EYS: variants seen among roughly 807,000 people sequenced by gnomAD.
The protein encoded by EYS is protein eyes shut homolog.
In EYS, 250 loss-of-function variants were observed where a neutral mutation model predicts 282.1. The ratio of observed to expected loss-of-function variants is 0.89; its 90% confidence interval spans 0.80 to 0.98. The LOEUF (loss-of-function observed/expected upper bound fraction) is 0.98, where lower values mean the gene tolerates loss of function less well. EYS is among the 50% of genes least tolerant of loss of function. The pLI, the probability that EYS is intolerant of heterozygous loss-of-function variation, is 0.00. For missense variants in EYS, 4,016 were observed against 3,709.0 expected (o/e 1.08, Z -2.15); for synonymous variants, 1,355 against 1,282.9 (o/e 1.06, Z -1.20).
At chr6:65,145,091 A>G (rs1410907614) in intron 12 of EYS, among the ~76,000 whole-genome samples, 1 of 151,724 alleles carries the variant, frequency 6.6e-6, no homozygotes, top group East Asian at 1.9e-4. Context: ...TGAAACACAC[A>G]CACACCATTC....
intron 26 of EYS, among the ~76,000 whole-genome samples, chr6:64,530,899 T>C (rs1764307628): frequency 6.6e-6 from 1 of 152,130 alleles, no homozygotes; most frequent in South Asian, 2.1e-4. Context: ...CCACAATTTG[T>C]CACAAGAAAT....
At chr6:63,935,868 G>A (rs142348803) in intron 35 of EYS, among the ~76,000 whole-genome samples, 39 of 152,268 alleles carry the variant, frequency 2.6e-4, no homozygotes, top group African/African-American at 9.1e-4. Context: ...TACAGATAAA[G>A]AAATGGAAGA....
At chr6:65,160,179 T>G (rs1764820546) in intron 12 of EYS, among the ~76,000 whole-genome samples, 1 of 150,968 alleles carries the variant, frequency 6.6e-6, no homozygotes, top group Non-Finnish European at 1.5e-5. Flanking sequence ...GTCTACTGGA[T>G]GTAAAATTTG....
intron 22 of EYS, among the ~76,000 whole-genome samples, chr6:64,726,049 A>C (rs1044784044): frequency 5.9e-5 from 9 of 152,136 alleles, no homozygotes; most frequent in Non-Finnish European, 1.2e-4. Flanking sequence ...CTTCCCAAGT[A>C]TGTTGACTTG....
At chr6:65,343,666 C>T (rs1271422474) in intron 10 of EYS, among the ~76,000 whole-genome samples, 1 of 150,746 alleles carries the variant, frequency 6.6e-6, no homozygotes, top group African/African-American at 2.4e-5. Context: ...TTAGAAATCT[C>T]TCAGAGATTT....
At chr6:64,095,583 C>T (rs1365923404) in intron 31 of EYS, among the ~76,000 whole-genome samples, 1 of 151,942 alleles carries the variant, frequency 6.6e-6, no homozygotes, top group African/African-American at 2.4e-5. Flanking sequence ...CAACCCCTGC[C>T]GTTTTTTGTT....
In EYS at chr6:64,088,229, C is replaced by T. The variant is rs147837249; in HGVS notation, c.6425-6227G>A. On this transcript the variant is annotated intron_variant, in intron 31 of 42. Coordinates refer to ENST00000503581, the MANE Select transcript of EYS (RefSeq NM_001142800.2). The stretch of plus-strand genomic sequence containing the variant: ...CGCTGCTTCCAAAAGCCTCTTCAGG[C>T]GATGCTATTTGAACACACTCCAAAT... Among the ~76,000 whole-genome samples the T allele has an allele frequency of 4.2e-3, 639 of 152,058 alleles. 3 individuals are homozygous for T. The highest frequency in any genetic ancestry group is 0.015 in the African/African-American group (602 of 41,508).
chr6:64,563,995 T>C (rs1368569414), intron 26 of EYS, among the ~76,000 whole-genome samples: 1 of 151,850 alleles, frequency 6.6e-6, no homozygotes, highest in Non-Finnish European at 1.5e-5. Context: ...CAACATTTAG[T>C]TCATCCTGCT....
At chr6:65,260,791 C>G (rs564304844) in intron 12 of EYS, among the ~76,000 whole-genome samples, 1 of 151,782 alleles carries the variant, frequency 6.6e-6, no homozygotes, top group Admixed American at 6.6e-5. Flanking sequence ...CAAAAAAACA[C>G]GAGGACAAAA....
At chr6:64,887,178 G>A (rs2150063556) in intron 18 of EYS, among the ~76,000 whole-genome samples, 1 of 149,860 alleles carries the variant, frequency 6.7e-6, no homozygotes, top group South Asian at 2.1e-4. Flanking sequence ...ACTATCACAA[G>A]GACAAAAAAC....
At chr6:65,240,219 T>G (rs1767023912) in intron 12 of EYS, among the ~76,000 whole-genome samples, 1 of 152,072 alleles carries the variant, frequency 6.6e-6, no homozygotes, top group Non-Finnish European at 1.5e-5. Flanking sequence ...CCACCCGTCT[T>G]GGCCTCCCAA....
At chr6:64,998,929 T>A (rs371747682) in intron 13 of EYS, among the ~76,000 whole-genome samples, 4 of 152,168 alleles carry the variant, frequency 2.6e-5, no homozygotes, top group African/African-American at 7.2e-5. Context: ...ACAACTGGAG[T>A]CAAATTAACT....
intron 32 of EYS, among the ~76,000 whole-genome samples, chr6:64,076,464 T>C (rs1771773991): frequency 6.6e-6 from 1 of 151,938 alleles, no homozygotes. Context: ...TGATCTTGAA[T>C]TGTAACTCCC....
intron 12 of EYS, among the ~76,000 whole-genome samples, chr6:65,120,460 C>CAAAAAAAAAAAAAAAAAAAAAAAAAAAAA (rs67505285): frequency 8.2e-4 from 56 of 68,250 alleles, no homozygotes; most frequent in Admixed American, 2.0e-3. Flanking sequence ...TTTAAATAAG[C>CAAAAAAAAAAAAAAAAAAAAAAAAAAAAA]AAAAAAAAAA....
At chr6:64,045,874 A>G (rs1434310549) in intron 33 of EYS, among the ~76,000 whole-genome samples, 1 of 145,686 alleles carries the variant, frequency 6.9e-6, no homozygotes, top group Non-Finnish European at 1.5e-5. Context: ...CATATGTACC[A>G]TACATTTTAT....
intron 37 of EYS, chr6:63,797,113 A>C (rs1245716500): frequency 2.0e-5 from 3 of 152,202 alleles, no homozygotes; most frequent in Admixed American, 1.3e-4. Context: ...TTTTGATTAA[A>C]TATTCTTAAT....
intron 19 of EYS, among the ~76,000 whole-genome samples, chr6:64,835,927 A>C (rs950494569): frequency 2.0e-4 from 31 of 151,692 alleles, no homozygotes; most frequent in African/African-American, 7.5e-4. Flanking sequence ...AGCAATAAAA[A>C]TAAACGATGT....
intron 33 of EYS, among the ~76,000 whole-genome samples, chr6:64,027,841 A>G (rs1194675497): frequency 1.3e-5 from 2 of 152,190 alleles, no homozygotes; most frequent in African/African-American, 4.8e-5. Flanking sequence ...GCGCCAGCTC[A>G]TGTCATCACC....
intron 22 of EYS, among the ~76,000 whole-genome samples, chr6:64,766,372 G>A (rs185046631): frequency 4.7e-5 from 7 of 149,388 alleles, no homozygotes; most frequent in Non-Finnish European, 1.0e-4. Context: ...AGTGGCTCAC[G>A]CCTGTAATCC....
Sources: gnomAD v4.1 joint callset for allele counts (sites outside exome capture counted in the v4.1 genomes callset) on GRCh38, gnomAD v4.1.1 for gene constraint, MANE v1.5 for transcripts, NCBI Gene and HGNC (gene_info 2026-07-23, HGNC 2026-07-21) for gene names.